The following GRM5 variants were observed in gnomAD, a reference collection of about 807,000 sequenced individuals.
GRM5 encodes the protein glutamate metabotropic receptor 5.
A neutral mutation model predicts 83.1 loss-of-function variants in GRM5; 19 were observed. The observed-to-expected ratio is 0.23, with a 90% CI of 0.16 to 0.34. The LOEUF is 0.34. Ranked by LOEUF, GRM5 falls within the 10% of genes least tolerant of loss-of-function variation. The pLI is 1.00. For synonymous variants in GRM5, 675 were observed against 633.6 expected (o/e 1.07, Z -0.98); for missense variants, 1,160 against 1,588.3 (o/e 0.73, Z 4.58).
rs1232590378 is a variant in GRM5 at position 88,665,166 on chromosome 11, C to CACACACACACAT, written c.912-11764_912-11763insATGTGTGTGTGT. On this transcript the variant is annotated intron_variant, in intron 3 of 9. Coordinates refer to ENST00000305447, the MANE Select transcript of GRM5 (RefSeq NM_001143831.3). ...GAAGAGATAATTTAATTTATTTACA[C>CACACACACACAT]ACACACACACACACACACACACACA... Among the ~76,000 whole-genome samples, 134 of 151,338 alleles carry CACACACACACAT rather than the reference C, an allele frequency of 8.9e-4. 1 individual carries two copies. In the East Asian group the frequency reaches 0.016, roughly 18 times the overall value.
intron 2 of GRM5, among the ~76,000 whole-genome samples, chr11:88,988,152 G>C (rs1292564846): frequency 2.6e-5 from 4 of 151,278 alleles, no homozygotes; most frequent in Non-Finnish European, 4.4e-5. Context: ...AACCAATACA[G>C]AGAAGTGCTT....
Position 88,707,884 on chromosome 11 carries a change from A to G in GRM5, c.912-54481T>C, listed in dbSNP as rs1941198173. On this transcript the variant is annotated intron_variant, in intron 3 of 9. Coordinates refer to ENST00000305447, the MANE Select transcript of GRM5 (RefSeq NM_001143831.3). ...AGAGCATTAAGTAGTGATAGATCAA[A>G]GAAAGATCAGGTAGCCTACAAACTT... Among the ~76,000 whole-genome samples, 2 of 152,106 alleles carry G rather than the reference A, an allele frequency of 1.3e-5. 1 individual carries two copies. The highest frequency in any genetic ancestry group is 4.1e-4 in the South Asian group (2 of 4,828).
intron 1 of GRM5, among the ~76,000 whole-genome samples, chr11:89,051,706 T>A (rs1941766304): frequency 6.6e-6 from 1 of 152,160 alleles, no homozygotes; most frequent in African/African-American, 2.4e-5. Flanking sequence ...TGATACTCCG[T>A]CTCAAGAAAA....
intron 3 of GRM5, among the ~76,000 whole-genome samples, chr11:88,687,318 A>G (rs535323242): frequency 6.7e-6 from 1 of 150,000 alleles, no homozygotes; most frequent in South Asian, 2.1e-4. Flanking sequence ...ACTAAAAAAA[A>G]TACAAAAAAT....
chr11:88,778,798 G>C (rs747588322), intron 3 of GRM5, among the ~76,000 whole-genome samples: 2 of 152,116 alleles, frequency 1.3e-5, no homozygotes, highest in Admixed American at 1.3e-4. Flanking sequence ...AAACAAAAAT[G>C]TTTCTCTATT....
intron 2 of GRM5, among the ~76,000 whole-genome samples, chr11:88,889,318 C>G (rs1406134377): frequency 6.6e-6 from 1 of 152,040 alleles, no homozygotes; most frequent in Non-Finnish European, 1.5e-5. Flanking sequence ...GTTGGTTCAG[C>G]CTACACCCAG....
At chr11:88,900,816 C>A (rs1297801949) in intron 2 of GRM5, among the ~76,000 whole-genome samples, 1 of 152,052 alleles carries the variant, frequency 6.6e-6, no homozygotes, top group Non-Finnish European at 1.5e-5. Flanking sequence ...GCATCTGTCC[C>A]GCAGTACAGA....
intron 3 of GRM5, among the ~76,000 whole-genome samples, chr11:88,709,080 G>A (rs1320097736): frequency 6.6e-6 from 1 of 151,990 alleles, no homozygotes; most frequent in Non-Finnish European, 1.5e-5. Flanking sequence ...AGATGAAAAT[G>A]GTAAGTACTA....
intron 2 of GRM5, among the ~76,000 whole-genome samples, chr11:88,915,987 C>G (rs1022168335): frequency 8.5e-5 from 13 of 152,116 alleles, no homozygotes; most frequent in African/African-American, 3.1e-4. Flanking sequence ...TCCTGAAAGG[C>G]TATGGTCACA....
chr11:88,903,028 C>T (rs1590951826), intron 2 of GRM5, among the ~76,000 whole-genome samples: 1 of 146,822 alleles, frequency 6.8e-6, no homozygotes, highest in East Asian at 2.0e-4. Context: ...CAAGCAACAG[C>T]AGGGGAAATG....
chr11:88,911,348 A>T (rs2135610022), intron 2 of GRM5, among the ~76,000 whole-genome samples: 1 of 152,248 alleles, frequency 6.6e-6, no homozygotes, highest in Admixed American at 6.5e-5. Context: ...TTTTCTATTT[A>T]TTCATCTATC....
At chr11:88,760,915 A>G (rs77108282) in intron 3 of GRM5, among the ~76,000 whole-genome samples, 2 of 152,198 alleles carry the variant, frequency 1.3e-5, no homozygotes, top group Non-Finnish European at 2.9e-5. Context: ...ATGCAAACCA[A>G]TAAACATGAT....
intron 2 of GRM5, among the ~76,000 whole-genome samples, chr11:88,908,343 T>C (rs576319320): frequency 5.5e-4 from 84 of 152,224 alleles, no homozygotes; most frequent in African/African-American, 2.0e-3. Context: ...TCTTACATGA[T>C]GGAAAAAATT....
chr11:88,907,947 G>A (rs540717717), intron 2 of GRM5, among the ~76,000 whole-genome samples: 29 of 152,084 alleles, frequency 1.9e-4, no homozygotes, highest in Admixed American at 5.9e-4. Context: ...TATAATTTGC[G>A]TGTAATCCCA....
chr11:88,982,376 C>A (rs1939554468), intron 2 of GRM5, among the ~76,000 whole-genome samples: 1 of 152,106 alleles, frequency 6.6e-6, no homozygotes, highest in Non-Finnish European at 1.5e-5. Context: ...AGTCTCAATT[C>A]TAATAGGAAG....
intron 7 of GRM5, among the ~76,000 whole-genome samples, chr11:88,576,964 T>G (rs1380761898): frequency 6.6e-6 from 1 of 152,118 alleles, no homozygotes; most frequent in Non-Finnish European, 1.5e-5. Flanking sequence ...ATTTTGCAAA[T>G]AAGCTGCATA....
intron 2 of GRM5, among the ~76,000 whole-genome samples, chr11:88,919,381 GA>G (rs958814988): frequency 6.7e-5 from 10 of 150,164 alleles, no homozygotes; most frequent in African/African-American, 2.4e-4. Flanking sequence ...CCTAACACTA[GA>G]GAACACAGAT....
chr11:88,731,148 T>C (rs1257482260), intron 3 of GRM5, among the ~76,000 whole-genome samples: 2 of 152,086 alleles, frequency 1.3e-5, no homozygotes, highest in South Asian at 2.1e-4. Flanking sequence ...TCCAGAAAGC[T>C]GAGAAAGTCC....
At chr11:88,986,354 G>A (rs1939709740) in intron 2 of GRM5, among the ~76,000 whole-genome samples, 1 of 152,138 alleles carries the variant, frequency 6.6e-6, no homozygotes. Flanking sequence ...AGAAAATGGA[G>A]GAAGTGGTGT....
Sources: gnomAD v4.1 joint callset for allele counts (sites outside exome capture counted in the v4.1 genomes callset) on GRCh38, gnomAD v4.1.1 for gene constraint, MANE v1.5 for transcripts, NCBI Gene and HGNC (gene_info 2026-07-23, HGNC 2026-07-21) for gene names.